Variants in SPATS2 observed in about 807,000 individuals in gnomAD.
The protein encoded by SPATS2 is spermatogenesis-associated serine-rich protein 2.
Under a neutral mutation model 63.7 loss-of-function variants are expected in SPATS2, and 38 were observed. The ratio of observed to expected loss-of-function variants is 0.60; its 90% CI spans 0.46 to 0.78. The LOEUF (loss-of-function observed/expected upper bound fraction) is 0.78, where lower values mean the gene tolerates loss of function less well. Ranked by LOEUF, SPATS2 falls within the 30% of genes least tolerant of loss-of-function variation. The pLI is 0.00. For missense variants in SPATS2, 588 were observed against 666.2 expected (o/e 0.88, Z 1.29); for synonymous variants, 207 against 232.9 (o/e 0.89, Z 1.01).
At chr12:49,372,450 A>G (rs2137138104) in intron 2 of SPATS2, among the ~76,000 whole-genome samples, 1 of 152,282 alleles carries the variant, frequency 6.6e-6, no homozygotes. Flanking sequence ...CAGGACACTT[A>G]GGGTGGAAAT....
chr12:49,458,670 C>T (rs1945763755), intron 2 of SPATS2, among the ~76,000 whole-genome samples: 1 of 151,212 alleles, frequency 6.6e-6, no homozygotes, highest in Non-Finnish European at 1.5e-5. Context: ...ATTCCAGCTA[C>T]ACGGGAGCCT....
intron 2 of SPATS2, among the ~76,000 whole-genome samples, chr12:49,400,134 G>A (rs1944580909): frequency 6.6e-6 from 1 of 152,152 alleles, no homozygotes; most frequent in African/African-American, 2.4e-5. Context: ...TTATATTCTG[G>A]GGAGGGGAAT....
At chr12:49,516,186 T>A (rs1372471911) in intron 10 of SPATS2, among the ~76,000 whole-genome samples, 8 of 84,610 alleles carry the variant, frequency 9.5e-5, no homozygotes, top group East Asian at 3.8e-4. Flanking sequence ...TATATATATA[T>A]ATATATATAT....
intron 2 of SPATS2, among the ~76,000 whole-genome samples, chr12:49,404,559 G>A (rs777745401): frequency 9.9e-4 from 150 of 152,236 alleles, no homozygotes; most frequent in Non-Finnish European, 1.9e-3. Flanking sequence ...GATTATAGGC[G>A]TGAGCCACTG....
chr12:49,419,557 AG>A (rs1245669070), intron 2 of SPATS2, among the ~76,000 whole-genome samples: 1 of 152,242 alleles, frequency 6.6e-6, no homozygotes, highest in African/African-American at 2.4e-5. Context: ...TTTGGGGCTT[AG>A]CCAGAAGATC....
intron 9 of SPATS2, among the ~76,000 whole-genome samples, chr12:49,507,689 G>A (rs923756354): frequency 1.3e-5 from 2 of 152,152 alleles, no homozygotes; most frequent in Admixed American, 1.3e-4. Flanking sequence ...TGTAATCGCA[G>A]TGAGAGTGTA....
intron 2 of SPATS2, among the ~76,000 whole-genome samples, chr12:49,419,539 T>C (rs1249192094): frequency 1.3e-5 from 2 of 152,256 alleles, no homozygotes; most frequent in African/African-American, 4.8e-5. Context: ...ATTAGAGATA[T>C]TTTTAAATTT....
intron 10 of SPATS2, among the ~76,000 whole-genome samples, chr12:49,517,699 C>T (rs1222280416): frequency 1.3e-5 from 2 of 152,158 alleles, no homozygotes; most frequent in Admixed American, 6.5e-5. Flanking sequence ...AGGAGTAAAA[C>T]GTTACATGCT....
chr12:49,391,125 C>T (rs1944410851), intron 2 of SPATS2, among the ~76,000 whole-genome samples: 1 of 152,136 alleles, frequency 6.6e-6, no homozygotes, highest in Non-Finnish European at 1.5e-5. Context: ...GTCCTCATAA[C>T]CTGTAAGATT....
intron 2 of SPATS2, among the ~76,000 whole-genome samples, chr12:49,426,701 G>A (rs1253287997): frequency 3.9e-5 from 6 of 151,954 alleles, no homozygotes; most frequent in East Asian, 3.9e-4. Context: ...CCGCCACCTC[G>A]CCCAGCTAAT....
At chr12:49,413,975 C>T (rs1194833719) in intron 2 of SPATS2, among the ~76,000 whole-genome samples, 4 of 152,170 alleles carry the variant, frequency 2.6e-5, no homozygotes, top group African/African-American at 4.8e-5. Context: ...AGGGATCAGC[C>T]CTACTGCCTA....
chr12:49,497,314 A>G (rs1946479678), intron 8 of SPATS2, among the ~76,000 whole-genome samples: 1 of 151,976 alleles, frequency 6.6e-6, no homozygotes, highest in South Asian at 2.1e-4. Flanking sequence ...GCTTTATTGC[A>G]ACGTTTTGGT....
chr12:49,394,586 C>T (rs1415587342), intron 2 of SPATS2, among the ~76,000 whole-genome samples: 4 of 150,100 alleles, frequency 2.7e-5, no homozygotes, highest in Admixed American at 2.6e-4. Context: ...TCAGATTTAT[C>T]TTTACAAATT....
intron 2 of SPATS2, among the ~76,000 whole-genome samples, chr12:49,407,757 T>C (rs1944721747): frequency 6.6e-6 from 1 of 152,170 alleles, no homozygotes; most frequent in Non-Finnish European, 1.5e-5. Flanking sequence ...TTTATTGCTA[T>C]CTCCCCATAG....
chr12:49,425,025 C>T (rs1945049005), intron 2 of SPATS2, among the ~76,000 whole-genome samples: 1 of 152,122 alleles, frequency 6.6e-6, no homozygotes, highest in South Asian at 2.1e-4. Context: ...ATTTATTCAC[C>T]AATCTTTGAT....
chr12:49,500,186 T>C lies in SPATS2; in HGVS notation c.820T>C (p.Phe274Leu). The change falls in exon 9 of 14, where the codon TTT becomes CTT. Residue 274 changes from phenylalanine (F) to leucine (L), a missense_variant. By Grantham distance (22) the Phe-to-Leu change is conservative. Coordinates refer to ENST00000552918, the MANE Select transcript of SPATS2 (RefSeq NM_023071.4). ...CTCCATTAAGAAAATGAAACAAGCC[T>C]TTGCTGAATTGGAGAGCTGGTAATT... is the stretch of plus-strand genomic sequence containing the variant. ...DASIKKMKQA[F>L]AELESCLMDR... 6.2e-7 allele frequency: 1 copy of C among 1,602,072 alleles called. No homozygotes were observed. Among genetic ancestry groups the C allele is most frequent in the Non-Finnish European group, 8.5e-7 (1 of 1,176,726 alleles).
At chr12:49,476,764 C>T (rs565882935) in intron 3 of SPATS2, among the ~76,000 whole-genome samples, 7 of 152,288 alleles carry the variant, frequency 4.6e-5, no homozygotes, top group South Asian at 2.1e-4. Flanking sequence ...GAGGAATTGA[C>T]GGGATTATTA....
At chr12:49,427,694 G>A (rs750031056) in intron 2 of SPATS2, among the ~76,000 whole-genome samples, 1 of 152,130 alleles carries the variant, frequency 6.6e-6, no homozygotes, top group Non-Finnish European at 1.5e-5. Flanking sequence ...ACAGGACTAT[G>A]TCAATTTTCC....
At chr12:49,481,820 C>T (rs547788567) in intron 3 of SPATS2, among the ~76,000 whole-genome samples, 2 of 151,974 alleles carry the variant, frequency 1.3e-5, no homozygotes, top group South Asian at 2.1e-4. Context: ...TACCTGAACA[C>T]CCAGGATTAG....
Sources: allele counts gnomAD v4.1 joint callset (sites outside exome capture counted in the v4.1 genomes callset), GRCh38; gene constraint gnomAD v4.1.1; transcripts MANE v1.5; gene names NCBI Gene and HGNC (gene_info 2026-07-23, HGNC 2026-07-21).